CABP7: variants seen among roughly 807,000 people sequenced by gnomAD.
The protein encoded by CABP7 is calcium binding protein 7, also known as calcium-binding protein 7.
CABP7 carries 13 observed loss-of-function variants against 23.1 expected under a neutral mutation model. The observed-to-expected ratio is 0.56, with a 90% CI of 0.37 to 0.90. The LOEUF (loss-of-function observed/expected upper bound fraction) is 0.90, where lower values mean the gene tolerates loss of function less well. CABP7 is among the 40% of genes least tolerant of loss of function. The pLI is 0.01. For synonymous variants in CABP7, 123 were observed against 115.3 expected (o/e 1.07, Z -0.43); for missense variants, 248 against 295.6 (o/e 0.84, Z 1.18).
chr22:29,720,784 CGGGCCCCGCAGCGGGGTCACG>C lies in CABP7; in HGVS notation c.109+257_109+277del, dbSNP rs1421373529. On this transcript the variant is annotated intron_variant, in intron 1 of 4. Coordinates refer to ENST00000216144, the MANE Select transcript of CABP7 (RefSeq NM_182527.3). The surrounding 1 kb of genome is among the most constrained non-coding windows in gnomAD (Gnocchi z 5.2). ...GGTCCCCAGCGCTGCGGAAACTTGCCGGGCCCCGCAGCGGGGTCACGGGGCCGCGCAGTCGGCGGTGACGGT... is the reference window on the plus strand; with the variant it reads ...GGTCCCCAGCGCTGCGGAAACTTGCCGGGCCGCGCAGTCGGCGGTGACGGT... 2.1e-4 allele frequency among the ~76,000 whole-genome samples: 32 copies of C among 151,436 alleles called. No homozygotes were observed. Among genetic ancestry groups the C allele is most frequent in the Non-Finnish European group, 4.3e-4 (29 of 67,718 alleles).
In CABP7 at chr22:29,729,449, C is replaced by T; in HGVS notation, c.528C>T (p.Ser176=). The change falls in exon 5 of 5, where the codon TCC becomes TCT. Residue 176 remains serine (S), a synonymous_variant. Transcript: ENST00000216144. The part of the protein sequence containing the change: ...EECPVDVETC[S]NQQIRQTCVR... ...CCCGGCGGGCGGCCACAGCCTGCTC[C>T]AACCAGCAGATCCGCCAGACTTGCG... is the stretch of plus-strand genomic sequence containing the variant. 9 of 1,610,322 alleles carry T rather than the reference C, an allele frequency of 5.6e-6. No individual in the cohort carries two copies. Among genetic ancestry groups the T allele is most frequent in the Non-Finnish European group, 6.8e-6 (8 of 1,179,884 alleles).
At chr22:29,725,735 G>A (rs2067791166) in intron 1 of CABP7, among the ~76,000 whole-genome samples, 1 of 152,168 alleles carries the variant, frequency 6.6e-6, no homozygotes, top group South Asian at 2.1e-4. Flanking sequence ...AAAATGGGCT[G>A]CGTGTTCAAA....
In CABP7 at chr22:29,729,175, G is replaced by A; in HGVS notation, c.487G>A (p.Gly163Ser). The part of the protein sequence containing the change: ...IIMTEEESHL[G>S]TAEECPVDVE... The stretch of plus-strand genomic sequence containing the variant: ...CATGACGGAGGAGGAGAGCCACCTG[G>A]GCACAGCCGAGGAGTGTCCCGTGGA... Residue 163 changes from glycine (G) to serine (S), a missense_variant, in exon 4 of 5, where the codon GGC becomes AGC. Transcript: ENST00000216144. 1 of 1,610,530 alleles carries A rather than the reference G, an allele frequency of 6.2e-7. No homozygotes were observed. Among genetic ancestry groups the A allele is most frequent in the Non-Finnish European group, 8.5e-7 (1 of 1,179,522 alleles).
chr22:29,720,508 G>A lies in CABP7; in HGVS notation c.84G>A (p.Val28=). 3 of 1,553,838 alleles carry A rather than the reference G, an allele frequency of 1.9e-6. No homozygotes were observed. Among genetic ancestry groups the A allele is most frequent in the Non-Finnish European group, 1.7e-6 (2 of 1,151,234 alleles). ...ACCTGCTGTCGGAGCAGCGCCCGGT[G>A]GACATCCCGGAGGACGAGCTGGAGG... ...VPNLLSEQRP[V]DIPEDELEEI... Residue 28 remains valine (V), a synonymous_variant, in exon 1 of 5, where the codon GTG becomes GTA. Coordinates refer to ENST00000216144, the MANE Select transcript of CABP7 (RefSeq NM_182527.3). The surrounding 1 kb of genome is among the most constrained non-coding windows in gnomAD (Gnocchi z 5.2).
At position 29,726,304 on chromosome 22, in the gene CABP7, C is replaced by T. The variant is rs545162537; in HGVS notation, c.110-1358C>T. On this transcript the variant is annotated intron_variant, in intron 1 of 4. Coordinates refer to ENST00000216144, the MANE Select transcript of CABP7 (RefSeq NM_182527.3). The stretch of plus-strand genomic sequence containing the variant: ...GGTGGGGCCTCCGCCCAAGCCACCT[C>T]GAAGTGTGGCCTGGGACATGTGGCC... Among the ~76,000 whole-genome samples the T allele has an allele frequency of 4.6e-5, 7 of 152,294 alleles. No homozygotes were observed. In the South Asian group the frequency reaches 8.3e-4, roughly 18 times the overall value.
chr22:29,724,176 G>A (rs973136767), intron 1 of CABP7, among the ~76,000 whole-genome samples: 13 of 152,238 alleles, frequency 8.5e-5, no homozygotes, highest in African/African-American at 3.1e-4. Flanking sequence ...GGGAGCCCCC[G>A]GCAGAGGCCG....
rs368576041 is a variant in CABP7 at position 29,731,380 on chromosome 22, G to A, written c.*1811G>A. 2.2e-5 allele frequency: 34 copies of A among 1,539,518 alleles called. No individual in the cohort carries two copies. Among genetic ancestry groups the A allele is most frequent in the African/African-American group, 7.2e-5 (5 of 69,826 alleles). On this transcript the variant is annotated 3_prime_UTR_variant, in exon 5 of 5. Transcript: ENST00000216144. Reference sequence around the variant, plus strand: ...CTAGAGAGAGAGAGAGAAGCGGGGAGAATAAGAGTGCACTACAGCCCAGGC... The same window carrying A: ...CTAGAGAGAGAGAGAGAAGCGGGGAAAATAAGAGTGCACTACAGCCCAGGC...
chr22:29,720,023 A>G lies in CABP7; in HGVS notation c.-402A>G, dbSNP rs2067747216. The G allele has an allele frequency of 6.7e-6, 1 of 148,674 alleles. No homozygotes were observed. The highest frequency in any genetic ancestry group is 1.9e-4 in the South Asian group (1 of 5,370). The allele number at this position is 148,674 out of a possible 1,614,324, so 9.2% of individuals were successfully genotyped here. ...GCGGCACAGAACGAGCGAGCGAGCG[A>G]GCGGAGAGGCGGCTACAGCCTGAGC... is the stretch of plus-strand genomic sequence containing the variant. On this transcript the variant is annotated 5_prime_UTR_variant, in exon 1 of 5. Transcript: ENST00000216144. The surrounding 1 kb of genome is among the most constrained non-coding windows in gnomAD (Gnocchi z 5.2).
intron 2 of CABP7, among the ~76,000 whole-genome samples, 186 bp from the exon 3 acceptor site, chr22:29,728,444 G>C (rs1052796705): frequency 6.6e-6 from 1 of 152,180 alleles, no homozygotes; most frequent in Non-Finnish European, 1.5e-5. Flanking sequence ...TGGCTTCAGC[G>C]TCAGCCCAGA....
At chr22:29,728,824 T>G in intron 3 of CABP7, 82 bp downstream of exon 3, 1 of 1,140,990 alleles carries the variant, frequency 8.8e-7, no homozygotes, top group South Asian at 1.3e-5. Flanking sequence ...GGGCCCACAC[T>G]GTAAAGGGGG....
In CABP7 at chr22:29,720,340, G is replaced by C. The variant is rs1468363350; in HGVS notation, c.-85G>C. 3 of 641,744 alleles carry C rather than the reference G, an allele frequency of 4.7e-6. No individual in the cohort carries two copies. Among genetic ancestry groups the C allele is most frequent in the East Asian group, 6.8e-5 (1 of 14,622 alleles). 39.8% of individuals were successfully genotyped at this position (641,744 alleles called of 1,614,324 possible). ...CCCTCCGCAGCCGCGCGCCCCGCCCGCTCCAGCCGCCCCCGGGGCCGCCAC... is the reference window on the plus strand; with the variant it reads ...CCCTCCGCAGCCGCGCGCCCCGCCCCCTCCAGCCGCCCCCGGGGCCGCCAC... On this transcript the variant is annotated 5_prime_UTR_variant, in exon 1 of 5. Coordinates refer to ENST00000216144, the MANE Select transcript of CABP7 (RefSeq NM_182527.3). The surrounding 1 kb of genome is among the most constrained non-coding windows in gnomAD (Gnocchi z 5.2).
Position 29,729,179 on chromosome 22 carries a change from C to A in CABP7, c.491C>A (p.Thr164Lys). ...ACGGAGGAGGAGAGCCACCTGGGCA[C>A]AGCCGAGGAGTGTCCCGTGGATGTG... is the stretch of plus-strand genomic sequence containing the variant. ...IMTEEESHLG[T>K]AEECPVDVET... The change falls in exon 4 of 5, where the codon ACA (threonine) becomes AAA (lysine). Residue 164 changes from threonine (T) to lysine (K), a missense_variant. Transcript: ENST00000216144. 1 of 1,610,208 alleles carries A rather than the reference C, an allele frequency of 6.2e-7. No homozygotes were observed. Among genetic ancestry groups the A allele is most frequent in the Admixed American group, 1.7e-5 (1 of 59,796 alleles).
chr22:29,731,259 C>A lies in CABP7; in HGVS notation c.*1690C>A, dbSNP rs533075080. ...CTGGACTCTGGGCTGCAGAGGCCAC[C>A]CCCCAGGTGGGGGTGCCCGCAGGGA... On this transcript the variant is annotated 3_prime_UTR_variant, in exon 5 of 5. Transcript: ENST00000216144. The A allele has an allele frequency of 2.0e-6, 3 of 1,515,946 alleles. No individual in the cohort carries two copies. The highest frequency in any genetic ancestry group is 2.9e-5 in the African/African-American group (2 of 68,262). The allele number at this position is 1,515,946 out of a possible 1,614,324, so 93.9% of individuals were successfully genotyped here.
chr22:29,731,441 G>GAGGGTCA lies in CABP7; in HGVS notation c.*1872_*1873insAGGGTCA. 1 of 1,483,516 alleles carries GAGGGTCA rather than the reference G, an allele frequency of 6.7e-7. No individual in the cohort carries two copies. The highest frequency in any genetic ancestry group is 1.4e-5 in the South Asian group (1 of 71,188). The allele number at this position is 1,483,516 out of a possible 1,614,324, so 91.9% of individuals were successfully genotyped here. On this transcript the variant is annotated 3_prime_UTR_variant, in exon 5 of 5. Coordinates refer to ENST00000216144, the MANE Select transcript of CABP7 (RefSeq NM_182527.3). Reference sequence around the variant, plus strand: ...CCCAGCCCACCTGCCTCACCACCCTGGCTGTGGGGAGGGTCAGCTGCCTGC... The same window carrying GAGGGTCA: ...CCCAGCCCACCTGCCTCACCACCCTGAGGGTCAGCTGTGGGGAGGGTCAGCTGCCTGC...
chr22:29,729,560 C>T lies in CABP7; in HGVS notation c.639C>T (p.Gly213=), dbSNP rs1367773291. The T allele has an allele frequency of 1.2e-6, 2 of 1,610,418 alleles. No individual in the cohort carries two copies. Among genetic ancestry groups the T allele is most frequent in the African/African-American group, 2.7e-5 (2 of 74,952 alleles). The part of the protein sequence containing the change: ...LIAANQVLRS[G]MK ...CGGCCAACCAGGTGCTGCGCAGTGG[C>T]ATGAAGTAGACGCCACCTGGATGCC... Residue 213 remains glycine, a synonymous_variant, in exon 5 of 5, where the codon GGC becomes GGT. Transcript: ENST00000216144.
intron 1 of CABP7, among the ~76,000 whole-genome samples, chr22:29,721,958 T>TG (rs369024382): frequency 0.019 from 2,956 of 152,132 alleles, 73 homozygotes; most frequent in African/African-American, 0.065. Flanking sequence ...GGTACGATGG[T>TG]GGGGGGCGAA....
At chr22:29,724,499 G>T (rs1416808713) in intron 1 of CABP7, among the ~76,000 whole-genome samples, 1 of 152,222 alleles carries the variant, frequency 6.6e-6, no homozygotes, top group Non-Finnish European at 1.5e-5. Flanking sequence ...GTACAGGTGA[G>T]CAAATACCTG....
Position 29,720,504 on chromosome 22 carries a change from CG to C in CABP7, c.82del (p.Val28TrpfsTer68). 1 of 1,556,256 alleles carries C rather than the reference CG, an allele frequency of 6.4e-7. No homozygotes were observed. Among genetic ancestry groups the C allele is most frequent in the Non-Finnish European group, 8.7e-7 (1 of 1,152,414 alleles). ...CCCAACCTGCTGTCGGAGCAGCGCC[CG>C]GTGGACATCCCGGAGGACGAGCTGG... ...TVPNLLSEQR[P>X]VDIPEDELEE... On this transcript the variant is annotated frameshift_variant, in exon 1 of 5. Coordinates refer to ENST00000216144, the MANE Select transcript of CABP7 (RefSeq NM_182527.3). LOFTEE classifies it high-confidence loss of function. The surrounding 1 kb of genome is among the most constrained non-coding windows in gnomAD (Gnocchi z 5.2).
Position 29,731,212 on chromosome 22 carries a change from G to T in CABP7, c.*1643G>T. ...AAAAGTGACCACGTGGGGGTCAGTC[G>T]GGGGCAAGGGGCTCAGCCCCACTGG... On this transcript the variant is annotated 3_prime_UTR_variant, in exon 5 of 5. Transcript: ENST00000216144. 1 of 1,486,744 alleles carries T rather than the reference G, an allele frequency of 6.7e-7. No individual in the cohort carries two copies. The highest frequency in any genetic ancestry group is 1.4e-5 in the South Asian group (1 of 70,582). The allele number at this position is 1,486,744 out of a possible 1,614,324, so 92.1% of individuals were successfully genotyped here.
Sources: gnomAD v4.1 joint callset for allele counts (sites outside exome capture counted in the v4.1 genomes callset) on GRCh38, gnomAD v4.1.1 for gene constraint, Gnocchi (gnomAD v3.1) non-coding constraint, MANE v1.5 for transcripts, NCBI Gene and HGNC (gene_info 2026-07-23, HGNC 2026-07-21) for gene names.